Variants in PDZD2 observed in about 807,000 individuals in gnomAD.
PDZD2 encodes PDZ domain containing 2, also known as PDZ domain-containing protein 2.
Under a neutral mutation model 220.7 loss-of-function variants are expected in PDZD2, and 90 were observed. The ratio of observed to expected loss-of-function variants is 0.41; its 90% confidence interval spans 0.34 to 0.49. The LOEUF (loss-of-function observed/expected upper bound fraction) is 0.49, where lower values mean the gene tolerates loss of function less well. Ranked by LOEUF, PDZD2 falls within the 20% of genes least tolerant of loss-of-function variation. The pLI is 0.28. For synonymous variants in PDZD2, 1,375 were observed against 1,450.5 expected, an observed-to-expected ratio of 0.95 and a Z score of 1.18; for missense variants, 3,174 against 3,608.5, an observed-to-expected ratio of 0.88 and a Z score of 3.08.
At chr5:31,726,015 G>A (rs1561410195) in intron 1 of PDZD2, 2 of 412,828 alleles carry the variant, frequency 4.8e-6, no homozygotes. Flanking sequence ...ATGCATAATG[G>A]AGTAGAAAGC....
intron 3 of PDZD2, among the ~76,000 whole-genome samples, chr5:31,991,043 T>A (rs567454228): frequency 6.6e-6 from 1 of 152,208 alleles, no homozygotes; most frequent in South Asian, 2.1e-4. Flanking sequence ...GACAGAGTGT[T>A]CCATGAGAAA....
intron 2 of PDZD2, among the ~76,000 whole-genome samples, chr5:31,909,995 G>T (rs983409483): frequency 2.0e-5 from 3 of 152,070 alleles, no homozygotes; most frequent in African/African-American, 7.2e-5. Flanking sequence ...AATAGCTTAC[G>T]TTTATGGATG....
intron 1 of PDZD2, among the ~76,000 whole-genome samples, chr5:31,763,691 A>T (rs1265882294): frequency 6.6e-6 from 1 of 152,052 alleles, no homozygotes; most frequent in East Asian, 1.9e-4. Context: ...CATGCAGACC[A>T]GTTCTCTTTG....
chr5:31,971,650 T>C (rs1418598923), intron 2 of PDZD2, among the ~76,000 whole-genome samples: 4 of 152,220 alleles, frequency 2.6e-5, no homozygotes, highest in African/African-American at 9.6e-5. Flanking sequence ...TTTCCCTCAC[T>C]GGAATTCCTG....
intron 1 of PDZD2, among the ~76,000 whole-genome samples, chr5:31,645,955 G>A (rs988004418): frequency 6.6e-6 from 1 of 151,794 alleles, no homozygotes; most frequent in African/African-American, 2.4e-5. Context: ...GGGGAAGGGG[G>A]TGGGGAACTG....
At chr5:31,880,780 C>CTTTTTT (rs1177280477) in intron 2 of PDZD2, among the ~76,000 whole-genome samples, 2 of 42,774 alleles carry the variant, frequency 4.7e-5, no homozygotes, top group African/African-American at 9.0e-5. Flanking sequence ...AGGTAGCTTT[C>CTTTTTT]TTTTTTTTTT....
At chr5:31,679,074 A>C (rs1434819154) in intron 1 of PDZD2, among the ~76,000 whole-genome samples, 1 of 152,238 alleles carries the variant, frequency 6.6e-6, no homozygotes, top group Non-Finnish European at 1.5e-5. Flanking sequence ...CGGTATGGGC[A>C]GGATAGTGGC....
intron 2 of PDZD2, chr5:31,923,563 G>A (rs1339587682): frequency 4.7e-6 from 4 of 854,266 alleles, no homozygotes; most frequent in Non-Finnish European, 6.0e-6. Flanking sequence ...GGATTTGGAG[G>A]CAATCAGTGG....
intron 7 of PDZD2, among the ~76,000 whole-genome samples, chr5:32,042,274 A>AG (rs1438409887): frequency 6.7e-6 from 1 of 148,670 alleles, no homozygotes; most frequent in African/African-American, 2.5e-5. Context: ...AAAAAAAAAA[A>AG]CATCTGGCCG....
In PDZD2 at chr5:31,983,590, C is replaced by G; in HGVS notation, c.912C>G (p.Ser304Arg). 1 of 1,614,140 alleles carries G rather than the reference C, an allele frequency of 6.2e-7. No homozygotes were observed. Among genetic ancestry groups the G allele is most frequent in the Non-Finnish European group, 8.5e-7 (1 of 1,179,966 alleles). ...IPKTDAPLTTSNDKRRFSKGG... is the reference protein window; with the variant it reads ...IPKTDAPLTTRNDKRRFSKGG... ...AGACAGATGCTCCTCTGACCACAAG[C>G]AATGACAAACGCCGCTTCTCAAAAG... The change falls in exon 3 of 25, where the codon AGC (serine) becomes AGG (arginine). Residue 304 changes from serine (S) to arginine (R), a missense_variant. Coordinates refer to ENST00000438447, the MANE Select transcript of PDZD2 (RefSeq NM_178140.4).
At chr5:31,822,271 CT>C (rs34010630) in intron 2 of PDZD2, among the ~76,000 whole-genome samples, 312 of 100,560 alleles carry the variant, frequency 3.1e-3, no homozygotes, top group South Asian at 0.028. Flanking sequence ...TTCACGCAAT[CT>C]TTTTTTTTTT....
In PDZD2 at chr5:32,074,122, A is replaced by G. The variant is rs746645256; in HGVS notation, c.3016A>G (p.Ile1006Val). 5.6e-6 allele frequency: 9 copies of G among 1,614,172 alleles called. No homozygotes were observed. Among genetic ancestry groups the G allele is most frequent in the Admixed American group, 3.3e-5 (2 of 60,020 alleles). The change falls in exon 18 of 25, where the codon ATT becomes GTT. Residue 1006 changes from isoleucine to valine, a missense_variant. Ile to Val is a conservative substitution (Grantham distance 29). This residue lies in a region of PDZD2 where 1,861 missense variants were observed against 2,001.0 expected (regional missense o/e 0.93). Transcript: ENST00000438447. ...AGAGGATGACCCGAGGCGTGTCTCA[A>G]TTTCCTCTTCCAAGGGCATGGACGT... ...LSEDDPRRVS[I>V]SSSKGMDVHN...
chr5:31,822,920 T>G, intron 2 of PDZD2: 1 of 922,016 alleles, frequency 1.1e-6, no homozygotes, highest in Non-Finnish European at 1.7e-6. Context: ...TAACTACAAA[T>G]AGTCTGAACG....
At chr5:32,016,556 A>G (rs949300555) in intron 6 of PDZD2, among the ~76,000 whole-genome samples, 9 of 152,178 alleles carry the variant, frequency 5.9e-5, no homozygotes, top group Admixed American at 2.0e-4. Context: ...CTCTGCATCT[A>G]TGGGGAGCGC....
At chr5:32,081,850 T>C (rs752239179) in intron 19 of PDZD2, among the ~76,000 whole-genome samples, 8 of 152,060 alleles carry the variant, frequency 5.3e-5, no homozygotes, top group Admixed American at 2.6e-4. Context: ...GCCTCCTGAG[T>C]AGCTGGGACT....
At chr5:31,958,913 C>T (rs1476302537) in intron 2 of PDZD2, among the ~76,000 whole-genome samples, 1 of 151,956 alleles carries the variant, frequency 6.6e-6, no homozygotes, top group East Asian at 1.9e-4. Context: ...CAGGCGTGAG[C>T]CACCCGGCCT....
At chr5:32,004,582 C>T (rs764324479) in intron 5 of PDZD2, among the ~76,000 whole-genome samples, 11 of 152,216 alleles carry the variant, frequency 7.2e-5, no homozygotes, top group Non-Finnish European at 1.3e-4. Flanking sequence ...CAGAGCAAGA[C>T]CCTGTCTCAA....
At chr5:31,840,373 C>T (rs1300612150) in intron 2 of PDZD2, 5 of 144,872 alleles carry the variant, frequency 3.5e-5, no homozygotes, top group Non-Finnish European at 5.9e-5. Flanking sequence ...CCCCCACACT[C>T]ATTCAAAGAG....
At chr5:31,948,345 C>G (rs1423760953) in intron 2 of PDZD2, among the ~76,000 whole-genome samples, 1 of 152,128 alleles carries the variant, frequency 6.6e-6, no homozygotes, top group Non-Finnish European at 1.5e-5. Context: ...GCAGATGCTC[C>G]AAGATTTGTC....
Sources: gnomAD v4.1 joint callset for allele counts (sites outside exome capture counted in the v4.1 genomes callset) on GRCh38, gnomAD v4.1.1 for gene constraint, gnomAD v4.1.1 regional missense constraint, MANE v1.5 for transcripts, NCBI Gene and HGNC (gene_info 2026-07-23, HGNC 2026-07-21) for gene names.